LIFR: variants seen among roughly 807,000 people sequenced by gnomAD.
LIFR encodes LIF receptor subunit alpha.
Under a neutral mutation model 122.2 loss-of-function variants are expected in LIFR, and 84 were observed. That is an observed-to-expected ratio of 0.69 (90% confidence interval 0.58 to 0.82). The LOEUF (loss-of-function observed/expected upper bound fraction) is 0.82. Ranked by LOEUF, LIFR falls within the 40% of genes least tolerant of loss-of-function variation. The pLI, the probability that LIFR is intolerant of heterozygous loss-of-function variation, is 0.00. For missense variants in LIFR, 1,294 were observed against 1,311.6 expected (o/e 0.99, Z 0.21); for synonymous variants, 422 against 434.7 (o/e 0.97, Z 0.36).
At chr5:38,575,994 GA>G (rs1189945037) in intron 1 of LIFR, among the ~76,000 whole-genome samples, 2 of 152,166 alleles carry the variant, frequency 1.3e-5, no homozygotes, top group African/African-American at 2.4e-5. Flanking sequence ...AAGAGATACA[GA>G]GGAAGGTGAT....
intron 1 of LIFR, among the ~76,000 whole-genome samples, chr5:38,564,842 C>T (rs1461759048): frequency 6.6e-6 from 1 of 151,604 alleles, no homozygotes; most frequent in South Asian, 2.1e-4. Flanking sequence ...GGTGCAATCT[C>T]GGCTCACTGC....
At chr5:38,497,188 C>T (rs745416828) in intron 12 of LIFR, among the ~76,000 whole-genome samples, 3 of 152,050 alleles carry the variant, frequency 2.0e-5, no homozygotes, top group East Asian at 1.9e-4. Flanking sequence ...GAGGCTGAGG[C>T]GGGAGAATCA....
At chr5:38,529,740 G>T (rs1443524956) in intron 2 of LIFR, among the ~76,000 whole-genome samples, 1 of 152,134 alleles carries the variant, frequency 6.6e-6, no homozygotes, top group African/African-American at 2.4e-5. Context: ...AAATGTTTAT[G>T]AAAAATGTTT....
chr5:38,591,490 A>T (rs1303241126), intron 1 of LIFR, among the ~76,000 whole-genome samples: 3 of 152,236 alleles, frequency 2.0e-5, no homozygotes, highest in Non-Finnish European at 4.4e-5. Flanking sequence ...TTTTGGACTT[A>T]ACGTTATGCT....
chr5:38,517,942 G>GAAAA, intron 5 of LIFR, among the ~76,000 whole-genome samples: 1 of 120,646 alleles, frequency 8.3e-6, no homozygotes, highest in Non-Finnish European at 1.7e-5. Context: ...CCATCTCTAT[G>GAAAA]AAAAAAAAAA....
upstream of LIFR, among the ~76,000 whole-genome samples, chr5:38,598,597 A>G (rs6451398): frequency 0.064 from 9,633 of 151,078 alleles, 888 homozygotes; most frequent in East Asian, 0.25. Context: ...TTCCCAACCC[A>G]CTGAGCTTTT....
rs1319085004 is a variant in LIFR at position 38,477,634 on chromosome 5, A to C, written c.*3961T>G. 3 of 213,290 alleles carry C rather than the reference A, an allele frequency of 1.4e-5. No individual in the cohort carries two copies. The highest frequency in any genetic ancestry group is 2.8e-5 in the Non-Finnish European group (3 of 105,396). The allele number at this position is 213,290 out of a possible 1,614,324, so 13.2% of individuals were successfully genotyped here. ...AGGCATGAGTCCTTCCTCAGTTTTC[A>C]CTCAAACCGTGGAGTCACTTCCGAA... On this transcript the variant is annotated 3_prime_UTR_variant, in exon 20 of 20. Transcript: ENST00000453190.
At chr5:38,484,737 TAAG>T (rs765845368) in intron 18 of LIFR, 35 bp downstream of exon 18, 1 of 1,331,552 alleles carries the variant, frequency 7.5e-7, no homozygotes, top group Admixed American at 1.7e-5. Flanking sequence ...ATCATGCCTT[TAAG>T]AAGAAAACAG....
chr5:38,533,759 A>T (rs145428889), intron 1 of LIFR, among the ~76,000 whole-genome samples: 35 of 152,248 alleles, frequency 2.3e-4, no homozygotes, highest in Admixed American at 9.8e-4. Context: ...ACAGAGAGTG[A>T]GTTAGCATGT....
In LIFR at chr5:38,482,570, T is replaced by C. The variant is rs767419708; in HGVS notation, c.2670+19A>G. ...GAAGCCAGCACATCAAAGATAAATATAAGAAAATAAAAGATTACCTCACAG... is the reference window on the plus strand; with the variant it reads ...GAAGCCAGCACATCAAAGATAAATACAAGAAAATAAAAGATTACCTCACAG... On this transcript the variant is annotated intron_variant, in intron 19 of 19. Transcript: ENST00000453190. The C allele has an allele frequency of 3.9e-6, 5 of 1,278,466 alleles. No individual in the cohort carries two copies. The highest frequency in any genetic ancestry group is 2.8e-5 in the South Asian group (2 of 72,220). 79.2% of individuals were successfully genotyped at this position (1,278,466 alleles called of 1,614,324 possible).
chr5:38,569,303 C>CTTG (rs1749130287), intron 1 of LIFR, among the ~76,000 whole-genome samples: 1 of 152,190 alleles, frequency 6.6e-6, no homozygotes, highest in Non-Finnish European at 1.5e-5. Context: ...CATTGAGACT[C>CTTG]TTCAAGAGCC....
intron 1 of LIFR, among the ~76,000 whole-genome samples, chr5:38,551,636 G>T (rs1401894349): frequency 6.6e-6 from 1 of 150,386 alleles, no homozygotes; most frequent in Admixed American, 6.6e-5. Flanking sequence ...GGCCTCTAAG[G>T]ATACTGCCGC....
chr5:38,510,894 G>T (rs915671339), intron 6 of LIFR, among the ~76,000 whole-genome samples, 176 bp from the exon 7 acceptor site: 1 of 150,558 alleles, frequency 6.6e-6, no homozygotes, highest in Non-Finnish European at 1.5e-5. Flanking sequence ...TGTTCCACAG[G>T]TTTTGTAGGA....
chr5:38,506,708 G>T, intron 7 of LIFR, 76 bp from the exon 8 acceptor site: 3 of 1,240,872 alleles, frequency 2.4e-6, no homozygotes, highest in Non-Finnish European at 3.5e-6. Flanking sequence ...AAACGTCAAT[G>T]TTTTCCACAA....
chr5:38,596,806 G>A (rs1234534926), upstream of LIFR, among the ~76,000 whole-genome samples: 2 of 152,020 alleles, frequency 1.3e-5, no homozygotes, highest in Non-Finnish European at 2.9e-5. Flanking sequence ...TATCAACACT[G>A]TCCTTTCCTC....
At chr5:38,548,587 A>G (rs1748021199) in intron 1 of LIFR, among the ~76,000 whole-genome samples, 1 of 152,174 alleles carries the variant, frequency 6.6e-6, no homozygotes. Context: ...AGTGCCTGTT[A>G]AAGAAAAGGC....
In LIFR at chr5:38,528,756, C is replaced by T; in HGVS notation, c.227G>A (p.Gly76Asp). The stretch of plus-strand genomic sequence containing the variant: ...TTCAATGCAAACTTCATAATCAGTA[C>T]CACGGCCTGTTCCAGAGGGTGCTTT... ...SWKAPSGTGRGTDYEVCIENR... is the reference protein window; with the variant it reads ...SWKAPSGTGRDTDYEVCIENR... The change falls in exon 3 of 20, where the codon GGT (glycine) becomes GAT (aspartate). Residue 76 changes from glycine (G) to aspartate (D), a missense_variant. Coordinates refer to ENST00000453190, the MANE Select transcript of LIFR (RefSeq NM_001127671.2). 1 of 1,595,524 alleles carries T rather than the reference C, an allele frequency of 6.3e-7. No homozygotes were observed.
chr5:38,555,869 C>A (rs1025735731), intron 1 of LIFR, among the ~76,000 whole-genome samples: 6 of 152,160 alleles, frequency 3.9e-5, no homozygotes, highest in African/African-American at 1.4e-4. Flanking sequence ...TAACTTTGAC[C>A]TCCAACACTT....
chr5:38,518,541 G>T (rs558882010), intron 5 of LIFR, among the ~76,000 whole-genome samples: 15 of 152,138 alleles, frequency 9.9e-5, no homozygotes, highest in Non-Finnish European at 2.1e-4. Context: ...ATGTCATAGT[G>T]CAACGTATTA....
Sources: gnomAD v4.1 joint callset for allele counts (sites outside exome capture counted in the v4.1 genomes callset) on GRCh38, gnomAD v4.1.1 for gene constraint, MANE v1.5 for transcripts, NCBI Gene and HGNC (gene_info 2026-07-23, HGNC 2026-07-21) for gene names.